The following ADK variants were observed in gnomAD, a reference collection of about 807,000 sequenced individuals.
ADK encodes N6,N6-dimethyladenosine kinase.
ADK carries 24 observed loss-of-function variants against 44.7 expected under a neutral mutation model. The ratio of observed to expected loss-of-function variants is 0.54; its 90% confidence interval spans 0.39 to 0.76. The LOEUF (loss-of-function observed/expected upper bound fraction) is 0.76. ADK is among the 30% of genes least tolerant of loss of function. The pLI is 0.00. For synonymous variants in ADK, 128 were observed against 142.6 expected (o/e 0.90, Z 0.73); for missense variants, 321 against 425.1 (o/e 0.76, Z 2.15).
At chr10:74,476,235 T>G (rs1011890054) in intron 6 of ADK, among the ~76,000 whole-genome samples, 1 of 152,168 alleles carries the variant, frequency 6.6e-6, no homozygotes, top group African/African-American at 2.4e-5. Flanking sequence ...GGCTCATGCC[T>G]GTAATCTCAG....
chr10:74,459,781 C>T (rs974625136), intron 6 of ADK, among the ~76,000 whole-genome samples: 2 of 150,540 alleles, frequency 1.3e-5, no homozygotes, highest in African/African-American at 2.4e-5. Context: ...AAATCAGGCT[C>T]TCTGTAGTCA....
chr10:74,246,945 TAATA>T (rs1349398131), intron 3 of ADK, among the ~76,000 whole-genome samples: 7 of 151,956 alleles, frequency 4.6e-5, no homozygotes, highest in Non-Finnish European at 5.9e-5. Context: ...ATTCTTAAAA[TAATA>T]AATATTTAAA....
intron 1 of ADK, among the ~76,000 whole-genome samples, chr10:74,191,111 T>C (rs567801245): frequency 6.6e-6 from 1 of 151,796 alleles, no homozygotes; most frequent in Non-Finnish European, 1.5e-5. Flanking sequence ...CTCTGGAGTA[T>C]CTGGGATTAT....
chr10:74,190,172 C>T (rs7915999), intron 1 of ADK, among the ~76,000 whole-genome samples: 112,096 of 152,150 alleles, frequency 0.74, 41,994 homozygotes, highest in Middle Eastern at 0.85. Context: ...TTTTCCAAAG[C>T]GGCTGAATCA....
chr10:74,286,220 T>C (rs561557740), intron 3 of ADK, among the ~76,000 whole-genome samples: 1 of 152,262 alleles, frequency 6.6e-6, no homozygotes, highest in African/African-American at 2.4e-5. Flanking sequence ...ACCTGGCTCA[T>C]TTTTTAATTT....
intron 7 of ADK, among the ~76,000 whole-genome samples, chr10:74,579,672 G>A (rs1851312027): frequency 6.6e-6 from 1 of 152,102 alleles, no homozygotes; most frequent in Non-Finnish European, 1.5e-5. Context: ...AGCCAAGGTG[G>A]CTAGAATTTG....
At chr10:74,438,221 C>CCT (rs922395770) in intron 6 of ADK, among the ~76,000 whole-genome samples, 4 of 150,212 alleles carry the variant, frequency 2.7e-5, no homozygotes, top group Non-Finnish European at 5.9e-5. Context: ...AAGGTCCTTG[C>CCT]CTCTCTCTCT....
chr10:74,353,570 T>TA (rs36030657), intron 4 of ADK, among the ~76,000 whole-genome samples: 88,542 of 135,392 alleles, frequency 0.65, 29,351 homozygotes, highest in Middle Eastern at 0.79. Context: ...AACTTAAAGT[T>TA]AAAAAAAAAA....
rs576773206 is a variant in ADK at position 74,510,915 on chromosome 10, C to T, written c.556-14341C>T. ...TAGAGATAGGGTTTCACCATGTTGT[C>T]GAGGCTGATCTCAAACTCCTGGGCT... On this transcript the variant is annotated intron_variant, in intron 6 of 10. Coordinates refer to ENST00000539909, the MANE Select transcript of ADK (RefSeq NM_006721.4). 5.1e-4 allele frequency among the ~76,000 whole-genome samples: 77 copies of T among 152,226 alleles called. 1 individual carries two copies. The highest frequency in any genetic ancestry group is 1.7e-3 in the African/African-American group (69 of 41,524).
intron 7 of ADK, among the ~76,000 whole-genome samples, chr10:74,567,699 G>GTTTTTTTTTTTTTTTTTTT (rs56042541): frequency 7.1e-5 from 8 of 112,378 alleles, no homozygotes; most frequent in Non-Finnish European, 8.7e-5. Context: ...TGTTTTTTTT[G>GTTTTTTTTTTTTTTTTTTT]TTTTTTTTTT....
Position 74,680,317 on chromosome 10 carries a change from GAAA to G in ADK, c.964+10062_964+10064del, listed in dbSNP as rs35798713. ...GCGACAGAGCAAGACTCCATCTCAA[GAAA>G]AAAAAAAAAAAAATGATGAGTACAG... On this transcript the variant is annotated intron_variant, in intron 10 of 10. Transcript: ENST00000539909. Among the ~76,000 whole-genome samples, 591 of 138,060 alleles carry G rather than the reference GAAA, an allele frequency of 4.3e-3. 3 individuals carry two copies. The highest frequency in any genetic ancestry group is 6.8e-3 in the Non-Finnish European group (433 of 64,010). The allele number at this position is 138,060 out of a possible 152,430, so 90.6% of individuals were successfully genotyped here.
chr10:74,686,052 C>T (rs1440288211), intron 10 of ADK, among the ~76,000 whole-genome samples: 1 of 152,108 alleles, frequency 6.6e-6, no homozygotes, highest in South Asian at 2.1e-4. Flanking sequence ...AGCTCCGCCT[C>T]CCGGGTTCAC....
chr10:74,705,825 AT>A (rs1456568551), intron 10 of ADK, among the ~76,000 whole-genome samples: 1 of 152,216 alleles, frequency 6.6e-6, no homozygotes, highest in African/African-American at 2.4e-5. Flanking sequence ...AGTTTTAGCC[AT>A]TCTGCGAGTG....
At chr10:74,687,378 G>A (rs994486045) in intron 10 of ADK, among the ~76,000 whole-genome samples, 16 of 152,212 alleles carry the variant, frequency 1.1e-4, no homozygotes, top group African/African-American at 2.2e-4. Context: ...AGAACACTGG[G>A]TTATTAGCTC....
At chr10:74,495,770 A>G (rs980599799) in intron 6 of ADK, among the ~76,000 whole-genome samples, 1 of 152,126 alleles carries the variant, frequency 6.6e-6, no homozygotes, top group African/African-American at 2.4e-5. Flanking sequence ...AGGCTATATG[A>G]GGTGGGAATG....
intron 6 of ADK, among the ~76,000 whole-genome samples, chr10:74,521,348 A>AT (rs1848826074): frequency 6.6e-6 from 1 of 152,034 alleles, no homozygotes; most frequent in Non-Finnish European, 1.5e-5. Context: ...ATATCACAAG[A>AT]CTCTTGTGTT....
In ADK at chr10:74,589,271, T is replaced by A; in HGVS notation, c.727-11T>A. 6.2e-7 allele frequency: 1 copy of A among 1,613,556 alleles called. No homozygotes were observed. Among genetic ancestry groups the A allele is most frequent in the East Asian group, 2.2e-5 (1 of 44,864 alleles). ...TTTATAATTAACTGTTCTTTTTTTT[T>A]TTTATTTCAGGAAGCTGCCACTTTT... On this transcript the variant is annotated splice_polypyrimidine_tract_variant and intron_variant, in intron 7 of 10. Transcript: ENST00000539909.
intron 7 of ADK, among the ~76,000 whole-genome samples, chr10:74,577,259 G>C (rs549708069): frequency 1.3e-5 from 2 of 151,800 alleles, no homozygotes; most frequent in East Asian, 3.9e-4. Context: ...TAAGAGACCT[G>C]TATTGATTAT....
chr10:74,398,655 A>G (rs751749988), intron 6 of ADK, 76 bp downstream of exon 6: 11 of 769,952 alleles, frequency 1.4e-5, no homozygotes, highest in South Asian at 6.3e-5. Flanking sequence ...TATATATTTT[A>G]AAATAATTAT....
Sources: allele counts gnomAD v4.1 joint callset (sites outside exome capture counted in the v4.1 genomes callset), GRCh38; gene constraint gnomAD v4.1.1; transcripts MANE v1.5; gene names NCBI Gene and HGNC (gene_info 2026-07-23, HGNC 2026-07-21).